Variants in SORCS3 observed in about 807,000 individuals in gnomAD.
SORCS3 encodes sortilin related VPS10 domain containing receptor 3.
In SORCS3, 57 loss-of-function variants were observed where a neutral mutation model predicts 146.3. The ratio of observed to expected loss-of-function variants is 0.39; its 90% CI spans 0.31 to 0.49. The LOEUF is 0.49. Among genes scored for constraint, SORCS3 ranks in the 20% least tolerant of loss-of-function variants. The probability of loss-of-function intolerance (pLI) is 0.92; values close to 1 mark genes in which losing one functional copy is unlikely to be tolerated. For synonymous variants in SORCS3, 653 were observed against 618.5 expected, an observed-to-expected ratio of 1.06 and a Z score of -0.83; for missense variants, 1,341 against 1,575.5, an observed-to-expected ratio of 0.85 and a Z score of 2.52.
chr10:104,658,802 G>A lies in SORCS3; in HGVS notation c.627+16848G>A, dbSNP rs551197456. 2.6e-5 allele frequency among the ~76,000 whole-genome samples: 4 copies of A among 152,288 alleles called. No individual in the cohort carries two copies. In the South Asian group the frequency reaches 8.3e-4, roughly 32 times the overall value. ...GGGCTCATGCTGCAATAGGACTCTG[G>A]ATGGAGTGCAGGGTTATAAATAAGC... On this transcript the variant is annotated intron_variant, in intron 1 of 26. Coordinates refer to ENST00000369701, the MANE Select transcript of SORCS3 (RefSeq NM_014978.3).
intron 14 of SORCS3, among the ~76,000 whole-genome samples, chr10:105,199,623 A>G (rs2119612318): frequency 6.6e-6 from 1 of 152,282 alleles, no homozygotes; most frequent in Admixed American, 6.5e-5. Flanking sequence ...CAGTGCTTGC[A>G]TTAAGGAGAA....
intron 15 of SORCS3, among the ~76,000 whole-genome samples, chr10:105,200,738 A>G (rs1212504066): frequency 1.3e-5 from 2 of 152,314 alleles, no homozygotes; most frequent in African/African-American, 4.8e-5. Flanking sequence ...TCTGAAGACC[A>G]TGTGAAAAAT....
intron 2 of SORCS3, among the ~76,000 whole-genome samples, chr10:104,888,543 A>G (rs967410184): frequency 1.5e-5 from 2 of 130,172 alleles, no homozygotes; most frequent in African/African-American, 7.8e-5. Context: ...CTACCTCTCC[A>G]GTACTCACCT....
chr10:104,966,670 T>C (rs7912844), intron 3 of SORCS3, among the ~76,000 whole-genome samples: 10,651 of 152,186 alleles, frequency 0.07, 1,220 homozygotes, highest in African/African-American at 0.24. Flanking sequence ...AATAGGCAAC[T>C]GAATAAAGTG....
At chr10:104,976,458 TG>T (rs1214934279) in intron 3 of SORCS3, among the ~76,000 whole-genome samples, 1 of 152,176 alleles carries the variant, frequency 6.6e-6, no homozygotes, top group Non-Finnish European at 1.5e-5. Context: ...TTTACACTGT[TG>T]GGGGGACTGT....
At chr10:104,888,541 C>G (rs905363843) in intron 2 of SORCS3, among the ~76,000 whole-genome samples, 2 of 130,858 alleles carry the variant, frequency 1.5e-5, no homozygotes, top group African/African-American at 7.7e-5. Context: ...AACTACCTCT[C>G]CAGTACTCAC....
chr10:104,972,588 G>T (rs186596503), intron 3 of SORCS3, among the ~76,000 whole-genome samples: 8 of 152,098 alleles, frequency 5.3e-5, no homozygotes, highest in African/African-American at 1.9e-4. Context: ...TAGGAAAAAT[G>T]CTGTGATTAA....
At chr10:104,969,777 G>A (rs1024938028) in intron 3 of SORCS3, among the ~76,000 whole-genome samples, 2 of 152,152 alleles carry the variant, frequency 1.3e-5, no homozygotes, top group African/African-American at 4.8e-5. Flanking sequence ...GTATATGTTA[G>A]TGTATGTGTG....
In SORCS3 at chr10:105,183,426, A is replaced by G. The variant is rs574207046; in HGVS notation, c.2009+5253A>G. ...AAAAAACTGTGACCACATGCCTAGC[A>G]GGGATCATTCTTTTAAATACAGCCT... On this transcript the variant is annotated intron_variant, in intron 14 of 26. Coordinates refer to ENST00000369701, the MANE Select transcript of SORCS3 (RefSeq NM_014978.3). Among the ~76,000 whole-genome samples, 6 of 152,262 alleles carry G rather than the reference A, an allele frequency of 3.9e-5. No homozygotes were observed. The East Asian group carries it at 1.2e-3, about 29-fold the overall frequency.
At chr10:104,898,735 A>G (rs1253160517) in intron 2 of SORCS3, among the ~76,000 whole-genome samples, 2 of 152,192 alleles carry the variant, frequency 1.3e-5, no homozygotes, top group African/African-American at 2.4e-5. Flanking sequence ...GGACTCACCA[A>G]TTCAATTGAG....
intron 1 of SORCS3, among the ~76,000 whole-genome samples, chr10:104,724,530 T>A (rs1170662479): frequency 6.6e-6 from 1 of 152,218 alleles, no homozygotes; most frequent in Admixed American, 6.5e-5. Context: ...CCTGCCTTAC[T>A]AGATTGGGGA....
intron 1 of SORCS3, among the ~76,000 whole-genome samples, chr10:104,683,529 G>T (rs897409644): frequency 6.6e-6 from 1 of 152,218 alleles, no homozygotes; most frequent in Non-Finnish European, 1.5e-5. Context: ...GGAGTGACCA[G>T]GAGAGAAAGG....
chr10:105,212,690 T>C (rs563380753), intron 17 of SORCS3, among the ~76,000 whole-genome samples: 5 of 152,160 alleles, frequency 3.3e-5, no homozygotes, highest in Non-Finnish European at 7.3e-5. Context: ...CTCCAGATTG[T>C]GTAAATGTTG....
chr10:105,256,344 G>C (rs893528502), intron 24 of SORCS3, among the ~76,000 whole-genome samples: 3 of 152,170 alleles, frequency 2.0e-5, no homozygotes, highest in Non-Finnish European at 4.4e-5. Context: ...TTTATTAAAT[G>C]GTTCTTAATA....
intron 4 of SORCS3, among the ~76,000 whole-genome samples, chr10:105,031,141 A>C (rs1021039603): frequency 6.6e-6 from 1 of 151,862 alleles, no homozygotes; most frequent in Non-Finnish European, 1.5e-5. Context: ...GTAAAAACAC[A>C]TGAAAAAATT....
intron 1 of SORCS3, among the ~76,000 whole-genome samples, chr10:104,770,740 G>C (rs571846464): frequency 6.6e-6 from 1 of 151,902 alleles, no homozygotes; most frequent in African/African-American, 2.4e-5. Context: ...AGCTGAGGCC[G>C]GTGGATGATT....
chr10:104,775,048 T>C (rs1564680586), intron 1 of SORCS3, among the ~76,000 whole-genome samples: 1 of 152,196 alleles, frequency 6.6e-6, no homozygotes, highest in Non-Finnish European at 1.5e-5. Context: ...GGGATGTGTG[T>C]GTGTTCAGTT....
intron 20 of SORCS3, among the ~76,000 whole-genome samples, chr10:105,243,036 CATATATTTATATATATTT>C (rs1334939373): frequency 1.1e-3 from 148 of 129,386 alleles, no homozygotes; most frequent in African/African-American, 3.3e-3. Context: ...TATATATTTA[CATATATTTATATATATTT>C]ATATATTTAT....
intron 1 of SORCS3, among the ~76,000 whole-genome samples, chr10:104,648,084 A>G (rs1045874432): frequency 7.2e-5 from 11 of 152,212 alleles, no homozygotes; most frequent in Non-Finnish European, 1.6e-4. Flanking sequence ...ACACATGACA[A>G]CAAGACAGAT....
Sources: allele counts gnomAD v4.1 joint callset (sites outside exome capture counted in the v4.1 genomes callset), GRCh38; gene constraint gnomAD v4.1.1; transcripts MANE v1.5; gene names NCBI Gene and HGNC (gene_info 2026-07-23, HGNC 2026-07-21).